The following TRIQK variants were observed in gnomAD, a reference collection of about 807,000 sequenced individuals.
TRIQK encodes the protein triple QxxK/R motif-containing protein.
A neutral mutation model predicts 10.8 loss-of-function variants in TRIQK; 10 were observed. That is an observed-to-expected ratio of 0.92 (90% CI 0.57 to 1.57). TRIQK has a LOEUF of 1.57. Among genes scored for constraint, TRIQK ranks in the 40% most tolerant of loss-of-function variants. The pLI is 0.00. For synonymous variants in TRIQK, 33 were observed against 33.7 expected, an observed-to-expected ratio of 0.98 and a Z score of 0.07; for missense variants, 107 against 97.7, an observed-to-expected ratio of 1.09 and a Z score of -0.40.
chr8:92,939,384 C>T (rs1646965216), intron 2 of TRIQK, among the ~76,000 whole-genome samples: 2 of 152,092 alleles, frequency 1.3e-5, no homozygotes, highest in South Asian at 4.1e-4. Flanking sequence ...GATAGAATGG[C>T]TTGACCCAGC....
chr8:93,010,691 A>G (rs1215080268), intron 1 of TRIQK, among the ~76,000 whole-genome samples: 1 of 152,172 alleles, frequency 6.6e-6, no homozygotes, highest in Non-Finnish European at 1.5e-5. Flanking sequence ...CGGCATATAC[A>G]GAAATTTATG....
At chr8:92,966,753 G>C (rs969401620), upstream of TRIQK, among the ~76,000 whole-genome samples, 3 of 151,922 alleles carry the variant, frequency 2.0e-5, no homozygotes, top group South Asian at 2.1e-4. Context: ...ACAGCCTATG[G>C]ACAATGAAAC....
intron 2 of TRIQK, among the ~76,000 whole-genome samples, chr8:92,945,883 T>C (rs1462576870): frequency 6.6e-6 from 1 of 151,406 alleles, no homozygotes; most frequent in East Asian, 1.9e-4. Context: ...AAGAATAGAA[T>C]ATAAAAAGAA....
intron 2 of TRIQK, among the ~76,000 whole-genome samples, chr8:92,937,701 A>AAT (rs1344064180): frequency 6.6e-6 from 1 of 151,704 alleles, no homozygotes; most frequent in Non-Finnish European, 1.5e-5. Flanking sequence ...TAGAATTTAT[A>AAT]ATACATATTA....
intron 2 of TRIQK, among the ~76,000 whole-genome samples, chr8:92,920,004 AT>A (rs1324982359): frequency 1.3e-5 from 2 of 151,388 alleles, no homozygotes; most frequent in East Asian, 3.9e-4. Flanking sequence ...TTCCCATTTT[AT>A]TTGAGTTTTC....
chr8:93,003,311 AG>A (rs1813233859), intron 1 of TRIQK, among the ~76,000 whole-genome samples: 1 of 132,298 alleles, frequency 7.6e-6, no homozygotes, highest in South Asian at 2.3e-4. Flanking sequence ...CGCTTACAGG[AG>A]AGAGAGAGAG....
chr8:92,989,078 G>A (rs16915413), intron 1 of TRIQK, among the ~76,000 whole-genome samples: 2,473 of 152,094 alleles, frequency 0.016, 36 homozygotes, highest in South Asian at 0.071. Context: ...CTGTAGACAT[G>A]AGAATTTAAT....
At chr8:92,929,023 A>C (rs1187099478) in intron 2 of TRIQK, among the ~76,000 whole-genome samples, 1 of 152,200 alleles carries the variant, frequency 6.6e-6, no homozygotes, top group African/African-American at 2.4e-5. Context: ...ACTTTTTAGA[A>C]TATAGGAACA....
chr8:92,913,719 C>T (rs1294133956), intron 3 of TRIQK, among the ~76,000 whole-genome samples: 1 of 152,114 alleles, frequency 6.6e-6, no homozygotes, highest in Non-Finnish European at 1.5e-5. Context: ...GGAACCAACC[C>T]CAATGCCCAT....
chr8:92,966,459 G>A (rs545741826), upstream of TRIQK, among the ~76,000 whole-genome samples: 2 of 152,216 alleles, frequency 1.3e-5, no homozygotes, highest in African/African-American at 2.4e-5. Flanking sequence ...GTGGAAGGGC[G>A]CACTGTCTGT....
Position 92,928,255 on chromosome 8 carries a change from TG to T in TRIQK, c.-21-11246del, listed in dbSNP as rs1010455581. On this transcript the variant is annotated intron_variant, in intron 2 of 4. Coordinates refer to ENST00000521988, the MANE Select transcript of TRIQK (RefSeq NM_001171797.2). ...TCTTGAACTACCTTTATCTCAAAAC[TG>T]CAATGAGTACTCAGGCCTCTCCAGG... Among the ~76,000 whole-genome samples the T allele has an allele frequency of 2.2e-4, 34 of 152,262 alleles. No homozygotes were observed. In the East Asian group the frequency reaches 6.6e-3, roughly 29 times the overall value.
intron 4 of TRIQK, among the ~76,000 whole-genome samples, chr8:92,889,335 C>T (rs3857912): frequency 0.17 from 25,342 of 151,384 alleles, 2,301 homozygotes; most frequent in Middle Eastern, 0.21. Context: ...TAAGCTCTTC[C>T]AAGATGATCA....
At chr8:93,016,398 A>G (rs1428329628) in intron 1 of TRIQK, among the ~76,000 whole-genome samples, 1 of 152,234 alleles carries the variant, frequency 6.6e-6, no homozygotes, top group Non-Finnish European at 1.5e-5. Flanking sequence ...ACAAAAGGGA[A>G]TATAAGATGC....
chr8:92,892,192 A>G (rs1434800731), intron 3 of TRIQK, 118 bp from the exon 4 acceptor site: 1 of 672,362 alleles, frequency 1.5e-6, no homozygotes, highest in East Asian at 3.1e-5. Context: ...GTTGCAAAGT[A>G]GTTCCCAGTT....
At chr8:92,898,969 C>A (rs886409465) in intron 3 of TRIQK, among the ~76,000 whole-genome samples, 8 of 147,362 alleles carry the variant, frequency 5.4e-5, no homozygotes, top group Admixed American at 6.8e-5. Context: ...ATTTTCCTTT[C>A]TTTGTGTTGC....
At chr8:92,953,518 A>G (rs2130677464) in intron 2 of TRIQK, 1 of 152,154 alleles carries the variant, frequency 6.6e-6, no homozygotes. Context: ...TAGAAGGTGA[A>G]ATTTTAATAA....
chr8:92,933,800 T>C (rs1410083795), intron 2 of TRIQK, among the ~76,000 whole-genome samples: 1 of 152,120 alleles, frequency 6.6e-6, no homozygotes, highest in Admixed American at 6.6e-5. Context: ...GATTCATCAC[T>C]TAATCTAAGG....
In TRIQK at chr8:92,913,673, T is replaced by C. The variant is rs542690277; in HGVS notation, c.61+3256A>G. 2.8e-3 allele frequency among the ~76,000 whole-genome samples: 425 copies of C among 152,308 alleles called. 4 individuals carry two copies. The highest frequency in any genetic ancestry group is 9.0e-3 in the African/African-American group (374 of 41,560). On this transcript the variant is annotated intron_variant, in intron 3 of 4. Transcript: ENST00000521988. ...TACTATAAAGACACATCCACACTTA[T>C]GTTTACTGAAGCACTATTTAAAATA...
chr8:92,932,431 T>C (rs1030647756), intron 2 of TRIQK, among the ~76,000 whole-genome samples: 1 of 152,170 alleles, frequency 6.6e-6, no homozygotes, highest in Non-Finnish European at 1.5e-5. Flanking sequence ...CATTGCATGC[T>C]ATCCTCTTTT....
Sources: allele counts gnomAD v4.1 joint callset (sites outside exome capture counted in the v4.1 genomes callset), GRCh38; gene constraint gnomAD v4.1.1; transcripts MANE v1.5; gene names NCBI Gene and HGNC (gene_info 2026-07-23, HGNC 2026-07-21).